Variants in PRDM5 observed in about 807,000 individuals in gnomAD.
PRDM5 encodes the protein PR/SET domain 5.
PRDM5 carries 56 observed loss-of-function variants against 81.2 expected under a neutral mutation model. The ratio of observed to expected loss-of-function variants is 0.69; its 90% confidence interval spans 0.56 to 0.86. The LOEUF (loss-of-function observed/expected upper bound fraction) is 0.86, where lower values mean the gene tolerates loss of function less well. Ranked by LOEUF, PRDM5 falls within the 40% of genes least tolerant of loss-of-function variation. The pLI is 0.00. For synonymous variants in PRDM5, 267 were observed against 256.4 expected, an observed-to-expected ratio of 1.04 and a Z score of -0.39; for missense variants, 697 against 770.1, an observed-to-expected ratio of 0.91 and a Z score of 1.12.
downstream of PRDM5, among the ~76,000 whole-genome samples, chr4:120,687,253 C>G (rs1038858149): frequency 1.3e-5 from 2 of 151,980 alleles, no homozygotes; most frequent in African/African-American, 4.8e-5. Flanking sequence ...ACTTTTTCAT[C>G]TCACAAAACT....
chr4:120,804,106 G>A (rs935944420), intron 8 of PRDM5, among the ~76,000 whole-genome samples: 1 of 152,108 alleles, frequency 6.6e-6, no homozygotes, highest in African/African-American at 2.4e-5. Flanking sequence ...GAAAAAGAAA[G>A]CCATTACATA....
intron 2 of PRDM5, among the ~76,000 whole-genome samples, chr4:120,885,241 A>G (rs924765060): frequency 6.6e-6 from 1 of 152,086 alleles, no homozygotes; most frequent in Admixed American, 6.5e-5. Flanking sequence ...AGATTCTTCA[A>G]AAGGTACCCC....
At chr4:120,860,124 A>G (rs1010961239) in intron 2 of PRDM5, among the ~76,000 whole-genome samples, 2 of 152,242 alleles carry the variant, frequency 1.3e-5, no homozygotes, top group African/African-American at 4.8e-5. Flanking sequence ...CACAAAGACA[A>G]GTATAACTGA....
chr4:120,873,892 A>T (rs936245414), intron 2 of PRDM5, among the ~76,000 whole-genome samples: 4 of 152,190 alleles, frequency 2.6e-5, no homozygotes, highest in Non-Finnish European at 4.4e-5. Context: ...ACTATTAAAT[A>T]GCTGTTTTTT....
At chr4:120,843,478 G>A (rs1758289989) in intron 3 of PRDM5, among the ~76,000 whole-genome samples, 2 of 152,038 alleles carry the variant, frequency 1.3e-5, no homozygotes, top group African/African-American at 2.4e-5. Context: ...CAAGGCAGGA[G>A]GATCACTTAA....
chr4:120,687,872 T>C (rs1733895373), downstream of PRDM5, among the ~76,000 whole-genome samples: 1 of 152,146 alleles, frequency 6.6e-6, no homozygotes, highest in Non-Finnish European at 1.5e-5. Context: ...TCCTTGCCAG[T>C]GCTTGCACTT....
chr4:120,694,493 T>G lies in PRDM5; in HGVS notation c.*618A>C, dbSNP rs907398270. The G allele has an allele frequency of 2.0e-5, 3 of 152,336 alleles. No individual in the cohort carries two copies. The highest frequency in any genetic ancestry group is 7.2e-5 in the African/African-American group (3 of 41,450). 9.4% of individuals were successfully genotyped at this position (152,336 alleles called of 1,614,324 possible). A position where few individuals can be genotyped will look rare whatever the true frequency, so the allele number is the denominator to read the frequency against. On this transcript the variant is annotated 3_prime_UTR_variant, in exon 16 of 16. Coordinates refer to ENST00000264808, the MANE Select transcript of PRDM5 (RefSeq NM_018699.4). ...AGCAATATTTTAATAGATGTTTTAG[T>G]TATCAAATATCTATTTTAAACTCAT...
At chr4:120,742,036 G>A (rs1742094898) in intron 14 of PRDM5, among the ~76,000 whole-genome samples, 1 of 152,248 alleles carries the variant, frequency 6.6e-6, no homozygotes. Flanking sequence ...CTGTCTGACA[G>A]CTTTGAAGAG....
chr4:120,833,366 G>T (rs1363867950), intron 3 of PRDM5, among the ~76,000 whole-genome samples: 1 of 152,004 alleles, frequency 6.6e-6, no homozygotes, highest in Non-Finnish European at 1.5e-5. Flanking sequence ...CAGACCAACT[G>T]CCACCTGTCA....
At chr4:120,915,926 G>A (rs930514194) in intron 1 of PRDM5, among the ~76,000 whole-genome samples, 2 of 152,062 alleles carry the variant, frequency 1.3e-5, no homozygotes, top group Non-Finnish European at 2.9e-5. Flanking sequence ...AGCCCACCCA[G>A]CACCAAAAAA....
chr4:120,747,186 A>T (rs1389400889), intron 14 of PRDM5, among the ~76,000 whole-genome samples: 1 of 150,550 alleles, frequency 6.6e-6, no homozygotes, highest in Non-Finnish European at 1.5e-5. Context: ...TCGCAAGAAC[A>T]AAAAACCAAA....
intron 1 of PRDM5, among the ~76,000 whole-genome samples, chr4:120,910,855 A>C (rs947509586): frequency 2.6e-5 from 4 of 152,158 alleles, no homozygotes; most frequent in Non-Finnish European, 5.9e-5. Context: ...AACTTCAAAA[A>C]TTTCTGGCTG....
intron 3 of PRDM5, among the ~76,000 whole-genome samples, chr4:120,830,862 C>G (rs1040132828): frequency 2.0e-5 from 3 of 151,764 alleles, no homozygotes; most frequent in African/African-American, 7.3e-5. Flanking sequence ...AGTCTATAAG[C>G]AAAGAATATC....
chr4:120,744,013 T>G (rs1359799308), intron 14 of PRDM5, among the ~76,000 whole-genome samples: 1 of 152,016 alleles, frequency 6.6e-6, no homozygotes, highest in Non-Finnish European at 1.5e-5. Context: ...ATTCCAAAAT[T>G]GACCACATAC....
intron 10 of PRDM5, among the ~76,000 whole-genome samples, chr4:120,791,708 T>C (rs1259028226): frequency 6.6e-6 from 1 of 152,170 alleles, no homozygotes; most frequent in African/African-American, 2.4e-5. Context: ...CAACTCTCAC[T>C]GCTATGGACT....
At chr4:120,782,408 T>G in intron 11 of PRDM5, among the ~76,000 whole-genome samples, 1 of 151,874 alleles carries the variant, frequency 6.6e-6, no homozygotes, top group African/African-American at 2.4e-5. Flanking sequence ...TTTAGAAATA[T>G]GAAGACTCTA....
At chr4:120,914,703 A>G (rs372321903) in intron 1 of PRDM5, among the ~76,000 whole-genome samples, 1 of 152,228 alleles carries the variant, frequency 6.6e-6, no homozygotes, top group African/African-American at 2.4e-5. Context: ...ACACCTGCAC[A>G]TGTATGTTTA....
At chr4:120,759,068 C>T (rs1429153294) in intron 13 of PRDM5, among the ~76,000 whole-genome samples, 2 of 152,106 alleles carry the variant, frequency 1.3e-5, no homozygotes, top group Admixed American at 6.5e-5. Flanking sequence ...TCATCCTACT[C>T]TTAACGGTGG....
chr4:120,752,160 T>C (rs1744096487), intron 14 of PRDM5, among the ~76,000 whole-genome samples: 1 of 152,202 alleles, frequency 6.6e-6, no homozygotes, highest in Non-Finnish European at 1.5e-5. Context: ...TGAGTTTTAA[T>C]AATAGTTTGA....
Sources: gnomAD v4.1 joint callset for allele counts (sites outside exome capture counted in the v4.1 genomes callset) on GRCh38, gnomAD v4.1.1 for gene constraint, MANE v1.5 for transcripts, NCBI Gene and HGNC (gene_info 2026-07-23, HGNC 2026-07-21) for gene names.